Variants in DGKB observed in about 807,000 individuals in gnomAD.
The protein encoded by DGKB is 90 kDa diacylglycerol kinase.
In DGKB, 67 loss-of-function variants were observed where a neutral mutation model predicts 114.3. The ratio of observed to expected loss-of-function variants is 0.59; its 90% CI spans 0.48 to 0.72. The LOEUF is 0.72. Ranked by LOEUF, DGKB falls within the 30% of genes least tolerant of loss-of-function variation. DGKB has a pLI of 0.00. For synonymous variants in DGKB, 398 were observed against 323.1 expected (o/e 1.23, Z -2.49); for missense variants, 907 against 975.2 (o/e 0.93, Z 0.93).
intron 25 of DGKB, among the ~76,000 whole-genome samples, chr7:14,171,079 T>C (rs887686913): frequency 1.3e-5 from 2 of 152,174 alleles, no homozygotes. Context: ...TGGTGGGGAT[T>C]GGTCCCGCAC....
chr7:14,322,880 G>A (rs1457229498), intron 23 of DGKB, among the ~76,000 whole-genome samples: 1 of 152,056 alleles, frequency 6.6e-6, no homozygotes, highest in Non-Finnish European at 1.5e-5. Context: ...CAATAAATTA[G>A]GATGCCTAAA....
chr7:14,719,832 T>C (rs1828844906), intron 5 of DGKB, among the ~76,000 whole-genome samples: 1 of 152,196 alleles, frequency 6.6e-6, no homozygotes, highest in Non-Finnish European at 1.5e-5. Context: ...ACTGAGTGCC[T>C]AATATGTGGC....
chr7:14,474,056 G>A (rs1442795654), intron 21 of DGKB, among the ~76,000 whole-genome samples: 1 of 152,164 alleles, frequency 6.6e-6, no homozygotes, highest in Non-Finnish European at 1.5e-5. Flanking sequence ...AGGCATGATT[G>A]GTTTTGAAAT....
chr7:14,554,942 A>G (rs900928696), intron 20 of DGKB, among the ~76,000 whole-genome samples: 2 of 152,092 alleles, frequency 1.3e-5, no homozygotes, highest in Non-Finnish European at 2.9e-5. Context: ...ATGAGTTTTA[A>G]TATATATTTT....
intron 1 of DGKB, among the ~76,000 whole-genome samples, chr7:14,942,815 C>G (rs1001911824): frequency 6.6e-6 from 1 of 152,030 alleles, no homozygotes; most frequent in Non-Finnish European, 1.5e-5. Flanking sequence ...TCCTTATCCC[C>G]TTACCTAAAA....
intron 5 of DGKB, among the ~76,000 whole-genome samples, chr7:14,729,464 A>G (rs1392190630): frequency 6.6e-6 from 1 of 152,194 alleles, no homozygotes; most frequent in Non-Finnish European, 1.5e-5. Context: ...ATCAATTTAT[A>G]AGTGATGAAT....
chr7:14,953,454 C>T (rs1375610608), intron 1 of DGKB, among the ~76,000 whole-genome samples: 1 of 152,010 alleles, frequency 6.6e-6, no homozygotes, highest in East Asian at 1.9e-4. Flanking sequence ...AAACAATGCT[C>T]AAAATATCTG....
At chr7:14,332,829 C>G (rs1809964830) in intron 23 of DGKB, among the ~76,000 whole-genome samples, 1 of 152,072 alleles carries the variant, frequency 6.6e-6, no homozygotes. Flanking sequence ...TCACTGAAAA[C>G]TGTCTGGACA....
At chr7:14,477,887 CTATT>C (rs1782421293) in intron 21 of DGKB, among the ~76,000 whole-genome samples, 1 of 152,014 alleles carries the variant, frequency 6.6e-6, no homozygotes, top group African/African-American at 2.4e-5. Flanking sequence ...TGTCTTAAAA[CTATT>C]AATTTCATGT....
intron 20 of DGKB, among the ~76,000 whole-genome samples, chr7:14,544,265 T>C (rs1793938779): frequency 6.6e-6 from 1 of 152,158 alleles, no homozygotes; most frequent in Non-Finnish European, 1.5e-5. Context: ...ATGCAGTTAT[T>C]GGAAATATGA....
chr7:14,877,338 CTGAGGTCAGGAGTT>C (rs1290711280), intron 1 of DGKB, among the ~76,000 whole-genome samples: 2 of 152,032 alleles, frequency 1.3e-5, no homozygotes, highest in Non-Finnish European at 2.9e-5. Context: ...GGCGGATCAC[CTGAGGTCAGGAGTT>C]TGAGACTAGC....
intron 2 of DGKB, among the ~76,000 whole-genome samples, chr7:14,768,891 C>T (rs796749071): frequency 2.2e-4 from 33 of 151,810 alleles, no homozygotes; most frequent in Admixed American, 7.2e-4. Flanking sequence ...TACATTGGAA[C>T]ATTTGTTATA....
At chr7:14,408,821 T>C (rs950252823) in intron 21 of DGKB, among the ~76,000 whole-genome samples, 3 of 152,060 alleles carry the variant, frequency 2.0e-5, no homozygotes, top group African/African-American at 7.2e-5. Context: ...TAAAACTTAT[T>C]GAAGATTTGG....
At chr7:14,192,530 A>G (rs761772663) in intron 23 of DGKB, among the ~76,000 whole-genome samples, 1 of 152,108 alleles carries the variant, frequency 6.6e-6, no homozygotes, top group Non-Finnish European at 1.5e-5. Context: ...TGGTCATAGT[A>G]CCCAAAGTGA....
At chr7:14,466,745 G>A (rs1309087440) in intron 21 of DGKB, among the ~76,000 whole-genome samples, 1 of 152,142 alleles carries the variant, frequency 6.6e-6, no homozygotes. Context: ...TTGAACCTGG[G>A]AGGCGGAGGT....
intron 23 of DGKB, among the ~76,000 whole-genome samples, chr7:14,241,188 G>C (rs1793589369): frequency 1.3e-5 from 2 of 152,106 alleles, no homozygotes; most frequent in Non-Finnish European, 2.9e-5. Context: ...TATTGTTATT[G>C]TTATGAATTA....
At chr7:14,299,466 G>A (rs1349866769) in intron 23 of DGKB, among the ~76,000 whole-genome samples, 1 of 152,164 alleles carries the variant, frequency 6.6e-6, no homozygotes, top group South Asian at 2.1e-4. Flanking sequence ...ATATATTAGT[G>A]AGAGGTTTTG....
chr7:14,932,393 G>T (rs1409152980), intron 1 of DGKB, among the ~76,000 whole-genome samples: 1 of 152,092 alleles, frequency 6.6e-6, no homozygotes, highest in African/African-American at 2.4e-5. Context: ...CTTTTAAGTA[G>T]ATGAAGCATG....
intron 23 of DGKB, among the ~76,000 whole-genome samples, chr7:14,308,565 TTATA>T (rs1804855361): frequency 1.3e-5 from 2 of 152,146 alleles, no homozygotes; most frequent in Admixed American, 1.3e-4. Flanking sequence ...TTCTTTAATA[TTATA>T]TGAGTGAATG....
Sources: gnomAD v4.1 joint callset for allele counts (sites outside exome capture counted in the v4.1 genomes callset) on GRCh38, gnomAD v4.1.1 for gene constraint, MANE v1.5 for transcripts, NCBI Gene and HGNC (gene_info 2026-07-23, HGNC 2026-07-21) for gene names.